ANKRD55: variants seen among roughly 807,000 people sequenced by gnomAD.
ANKRD55 encodes the protein ankyrin repeat domain-containing protein 55.
A neutral mutation model predicts 60.6 loss-of-function variants in ANKRD55; 41 were observed. That is an observed-to-expected ratio of 0.68 (90% CI 0.53 to 0.88). ANKRD55 has a LOEUF of 0.88. Among genes scored for constraint, ANKRD55 ranks in the 40% least tolerant of loss-of-function variants. The pLI is 0.00. For missense variants in ANKRD55, 732 were observed against 767.6 expected (o/e 0.95, Z 0.55); for synonymous variants, 264 against 290.3 (o/e 0.91, Z 0.92).
At chr5:56,209,559 T>C (rs1263284606) in intron 2 of ANKRD55, among the ~76,000 whole-genome samples, 2 of 150,942 alleles carry the variant, frequency 1.3e-5, no homozygotes, top group Admixed American at 6.6e-5. Context: ...CTCCGCCTCC[T>C]GGGTTCACGC....
intron 2 of ANKRD55, among the ~76,000 whole-genome samples, chr5:56,185,960 T>C (rs1425094221): frequency 1.3e-5 from 2 of 152,214 alleles, no homozygotes; most frequent in Non-Finnish European, 1.5e-5. Flanking sequence ...AGTAGTATTT[T>C]GTTGTTTTCG....
At chr5:56,161,932 A>G (rs1364020868) in intron 5 of ANKRD55, 1 of 971,984 alleles carries the variant, frequency 1.0e-6, no homozygotes, top group Non-Finnish European at 1.2e-6. Context: ...TTATTTCACC[A>G]CTGGATATAT....
At chr5:56,178,463 G>A (rs764721899) in intron 3 of ANKRD55, among the ~76,000 whole-genome samples, 21 of 149,732 alleles carry the variant, frequency 1.4e-4, no homozygotes, top group Non-Finnish European at 3.0e-5. Context: ...ATTTTAAGTT[G>A]GTACATTTGT....
At chr5:56,116,943 A>T (rs900682838) in intron 8 of ANKRD55, 161 bp from the exon 9 acceptor site, 2 of 679,038 alleles carry the variant, frequency 2.9e-6, no homozygotes, top group Non-Finnish European at 4.8e-6. Flanking sequence ...CCGAAGGATG[A>T]TGGTGGACAT....
Position 56,180,209 on chromosome 5 carries a change from A to G in ANKRD55, c.181+3303T>C, listed in dbSNP as rs1337775112. Among the ~76,000 whole-genome samples, 3 of 152,308 alleles carry G rather than the reference A, an allele frequency of 2.0e-5. No individual in the cohort carries two copies. In the East Asian group the frequency reaches 5.8e-4, roughly 29 times the overall value. On this transcript the variant is annotated intron_variant, in intron 3 of 11. Transcript: ENST00000341048. Reference sequence around the variant, plus strand: ...TAACCCACTCCCACAATGACCCATGAGTGGATTAATCCCAATAATCTCCCA... The same window carrying G: ...TAACCCACTCCCACAATGACCCATGGGTGGATTAATCCCAATAATCTCCCA...
intron 7 of ANKRD55, among the ~76,000 whole-genome samples, chr5:56,128,905 T>C (rs1482981825): frequency 6.6e-6 from 1 of 152,228 alleles, no homozygotes; most frequent in East Asian, 1.9e-4. Context: ...TGATCCTGCA[T>C]GTTCATACTG....
chr5:56,210,578 A>G (rs1183380878), intron 2 of ANKRD55, among the ~76,000 whole-genome samples: 2 of 151,462 alleles, frequency 1.3e-5, no homozygotes, highest in Non-Finnish European at 2.9e-5. Context: ...AAAAAAAAAA[A>G]AAAAAAAGAA....
chr5:56,123,634 G>T (rs937380300), intron 8 of ANKRD55, among the ~76,000 whole-genome samples: 3 of 152,116 alleles, frequency 2.0e-5, no homozygotes. Flanking sequence ...TGTTGATCTA[G>T]TCAGGCTTAC....
At chr5:56,188,914 T>C (rs1338668675) in intron 2 of ANKRD55, among the ~76,000 whole-genome samples, 4 of 152,138 alleles carry the variant, frequency 2.6e-5, no homozygotes, top group African/African-American at 9.7e-5. Context: ...AATAAATTAG[T>C]AGGAAGTCTG....
rs186970093 is a variant in ANKRD55 at position 56,228,696 on chromosome 5, A to C, written c.58+4160T>G. Among the ~76,000 whole-genome samples, 264 of 152,232 alleles carry C rather than the reference A, an allele frequency of 1.7e-3. 1 individual carries two copies. Among genetic ancestry groups the C allele is most frequent in the African/African-American group, 6.0e-3 (248 of 41,540 alleles). On this transcript the variant is annotated intron_variant, in intron 2 of 11. Transcript: ENST00000341048. ...CACCTTGGCTTCCCAAGCTGCTGGGATTACAGGCATGAGCCACTGCACCCG... is the reference window on the plus strand; with the variant it reads ...CACCTTGGCTTCCCAAGCTGCTGGGCTTACAGGCATGAGCCACTGCACCCG...
intron 2 of ANKRD55, among the ~76,000 whole-genome samples, chr5:56,200,502 C>T (rs773833025): frequency 5.3e-5 from 8 of 152,058 alleles, no homozygotes; most frequent in Non-Finnish European, 1.0e-4. Flanking sequence ...ATGTCAGACA[C>T]GTAATAGGCT....
intron 7 of ANKRD55, among the ~76,000 whole-genome samples, chr5:56,128,268 A>G (rs551531154): frequency 1.3e-5 from 2 of 152,362 alleles, no homozygotes; most frequent in African/African-American, 4.8e-5. Context: ...CACCCTGTTC[A>G]TAGTTTCCCC....
chr5:56,232,264 A>G lies in ANKRD55; in HGVS notation c.58+592T>C, dbSNP rs1277563968. ...TGATGTGGAAAATTACCTCCACTCC[A>G]GAAATTATAAGTAAGGAAGATATAC... On this transcript the variant is annotated intron_variant, in intron 2 of 11. Coordinates refer to ENST00000341048, the MANE Select transcript of ANKRD55 (RefSeq NM_024669.3). 2.0e-5 allele frequency among the ~76,000 whole-genome samples: 3 copies of G among 152,256 alleles called. No homozygotes were observed. In the East Asian group the frequency reaches 5.8e-4, roughly 29 times the overall value.
intron 2 of ANKRD55, among the ~76,000 whole-genome samples, chr5:56,206,173 C>T (rs910922780): frequency 5.3e-5 from 8 of 151,740 alleles, no homozygotes; most frequent in African/African-American, 1.9e-4. Context: ...CATGGGGCTT[C>T]ACCATGTTGG....
chr5:56,152,570 G>A (rs1758081286), intron 6 of ANKRD55, among the ~76,000 whole-genome samples: 1 of 152,202 alleles, frequency 6.6e-6, no homozygotes, highest in Non-Finnish European at 1.5e-5. Flanking sequence ...GGAGAGGTTA[G>A]TTTCCATTTA....
At chr5:56,143,737 GA>G in intron 7 of ANKRD55, 63 bp downstream of exon 7, 2 of 1,600,556 alleles carry the variant, frequency 1.2e-6, no homozygotes, top group Non-Finnish European at 1.7e-6. Flanking sequence ...GACCTACTCA[GA>G]AAATTGTTAA....
chr5:56,139,046 G>A (rs1757683269), intron 7 of ANKRD55, among the ~76,000 whole-genome samples: 1 of 140,394 alleles, frequency 7.1e-6, no homozygotes, highest in South Asian at 2.5e-4. Flanking sequence ...TGTAGTGGGA[G>A]ATGTTGGTAA....
intron 8 of ANKRD55, among the ~76,000 whole-genome samples, chr5:56,119,872 C>T (rs909864291): frequency 1.3e-5 from 2 of 151,996 alleles, no homozygotes; most frequent in Non-Finnish European, 2.9e-5. Context: ...GAGCCGAGAT[C>T]CTGCCACCAC....
chr5:56,202,813 G>A (rs1191638961), intron 2 of ANKRD55, among the ~76,000 whole-genome samples: 2 of 152,162 alleles, frequency 1.3e-5, no homozygotes, highest in East Asian at 3.8e-4. Context: ...TCTTGCGGGG[G>A]TAGGTTTTCT....
Sources: gnomAD v4.1 joint callset for allele counts (sites outside exome capture counted in the v4.1 genomes callset) on GRCh38, gnomAD v4.1.1 for gene constraint, MANE v1.5 for transcripts, NCBI Gene and HGNC (gene_info 2026-07-23, HGNC 2026-07-21) for gene names.